Variants in ANO3 observed in about 807,000 individuals in gnomAD.
ANO3 encodes the protein anoctamin 3.
In ANO3, 99 loss-of-function variants were observed where a neutral mutation model predicts 144.8. The observed-to-expected ratio is 0.68, with a 90% CI of 0.58 to 0.81. ANO3 has a LOEUF of 0.81. ANO3 is among the 30% of genes least tolerant of loss of function. ANO3 has a pLI of 0.00. For missense variants in ANO3, 905 were observed against 1,202.2 expected (o/e 0.75, Z 3.66); for synonymous variants, 414 against 392.6 (o/e 1.05, Z -0.64).
chr11:26,489,298 G>A (rs183879382), intron 4 of ANO3, among the ~76,000 whole-genome samples: 197 of 152,314 alleles, frequency 1.3e-3, no homozygotes, highest in Admixed American at 2.0e-3. Context: ...TTGAGCCTGC[G>A]GGAGCACAGA....
chr11:26,296,111 T>C (rs932919622), intron 1 of ANO3, among the ~76,000 whole-genome samples: 1 of 152,222 alleles, frequency 6.6e-6, no homozygotes, highest in Non-Finnish European at 1.5e-5. Flanking sequence ...TTATTCTCAG[T>C]AGTAAATTGG....
At chr11:26,433,075 G>A (rs565898316) in intron 1 of ANO3, among the ~76,000 whole-genome samples, 2 of 151,996 alleles carry the variant, frequency 1.3e-5, no homozygotes, top group East Asian at 3.9e-4. Flanking sequence ...CTCTGATTTT[G>A]AGCAGTGTTT....
At chr11:26,363,884 G>C (rs1002296910) in intron 1 of ANO3, among the ~76,000 whole-genome samples, 3 of 151,652 alleles carry the variant, frequency 2.0e-5, no homozygotes, top group African/African-American at 7.3e-5. Flanking sequence ...AAATAAGAAG[G>C]AACCATAGAC....
intron 1 of ANO3, chr11:26,207,973 G>T (rs1471937222): frequency 3.3e-5 from 5 of 152,140 alleles, no homozygotes; most frequent in Non-Finnish European, 7.4e-5. Context: ...TCACAGTTCT[G>T]GAGGGTGGAA....
intron 4 of ANO3, among the ~76,000 whole-genome samples, chr11:26,482,281 T>C (rs1235143063): frequency 6.6e-6 from 1 of 152,076 alleles, no homozygotes; most frequent in Non-Finnish European, 1.5e-5. Context: ...GTTTGTTACA[T>C]ATGTATACAT....
chr11:26,552,930 G>A (rs969572614), intron 12 of ANO3, among the ~76,000 whole-genome samples: 3 of 147,320 alleles, frequency 2.0e-5, no homozygotes, highest in Non-Finnish European at 3.0e-5. Context: ...TTGGTATACC[G>A]CACAAGATTA....
At chr11:26,628,310 T>C (rs1306321544) in intron 18 of ANO3, among the ~76,000 whole-genome samples, 2 of 152,162 alleles carry the variant, frequency 1.3e-5, no homozygotes, top group Admixed American at 6.5e-5. Context: ...CTTCCTACTA[T>C]ACACACTATT....
At chr11:26,245,017 GTGTGCA>G (rs1852754443) in intron 1 of ANO3, among the ~76,000 whole-genome samples, 2 of 141,634 alleles carry the variant, frequency 1.4e-5, no homozygotes, top group Non-Finnish European at 3.1e-5. Flanking sequence ...GTGTGTGTGT[GTGTGCA>G]TGCATGCATT....
At chr11:26,487,891 A>C (rs574661235) in intron 4 of ANO3, among the ~76,000 whole-genome samples, 1 of 152,256 alleles carries the variant, frequency 6.6e-6, no homozygotes, top group Non-Finnish European at 1.5e-5. Context: ...TTTTAGGCCA[A>C]GTGCAGTAGC....
At chr11:26,522,217 A>AACAAC (rs1565076912) in intron 6 of ANO3, among the ~76,000 whole-genome samples, 2 of 151,068 alleles carry the variant, frequency 1.3e-5, no homozygotes, top group Non-Finnish European at 3.0e-5. Context: ...ACAACAACAA[A>AACAAC]AAAAAAACAT....
intron 1 of ANO3, among the ~76,000 whole-genome samples, chr11:26,441,542 TG>T: frequency 6.6e-6 from 1 of 152,172 alleles, no homozygotes; most frequent in Non-Finnish European, 1.5e-5. Context: ...GTAATTTCAA[TG>T]GTTATATATT....
At chr11:26,396,207 A>G (rs1055278306) in intron 1 of ANO3, among the ~76,000 whole-genome samples, 2 of 152,214 alleles carry the variant, frequency 1.3e-5, no homozygotes, top group African/African-American at 4.8e-5. Context: ...ATCACTGGTC[A>G]TTAGAGAAAT....
intron 24 of ANO3, among the ~76,000 whole-genome samples, chr11:26,654,203 T>G (rs1853616088): frequency 6.6e-6 from 1 of 152,186 alleles, no homozygotes; most frequent in Non-Finnish European, 1.5e-5. Context: ...TTTTTAAAAA[T>G]TTGAGAGAAT....
intron 3 of ANO3, among the ~76,000 whole-genome samples, chr11:26,453,477 CAAAG>C (rs1192008377): frequency 3.9e-5 from 6 of 152,052 alleles, no homozygotes; most frequent in South Asian, 2.1e-4. Flanking sequence ...TCAAAAGAGA[CAAAG>C]AAGGCCATTA....
chr11:26,653,632 C>T (rs1368949567), intron 24 of ANO3, among the ~76,000 whole-genome samples: 2 of 151,880 alleles, frequency 1.3e-5, no homozygotes, highest in African/African-American at 4.8e-5. Flanking sequence ...ATTTCCCTCC[C>T]TCCCTTTGTT....
chr11:26,488,000 T>C (rs1246868501), intron 4 of ANO3, among the ~76,000 whole-genome samples: 1 of 152,068 alleles, frequency 6.6e-6, no homozygotes, highest in African/African-American at 2.4e-5. Flanking sequence ...ACCCCATCTC[T>C]ACTAAAAATA....
At chr11:26,287,695 G>A (rs1853840860) in intron 1 of ANO3, 1 of 152,146 alleles carries the variant, frequency 6.6e-6, no homozygotes, top group Non-Finnish European at 1.5e-5. Context: ...TTAAACCCAG[G>A]AAGATTCAAA....
At chr11:26,507,482 T>C (rs1355380932) in intron 4 of ANO3, among the ~76,000 whole-genome samples, 1 of 152,238 alleles carries the variant, frequency 6.6e-6, no homozygotes, top group Non-Finnish European at 1.5e-5. Flanking sequence ...TGCAGTCATA[T>C]ATTCTAGGAA....
chr11:26,343,131 T>G (rs1294270671), intron 1 of ANO3, among the ~76,000 whole-genome samples: 2 of 152,188 alleles, frequency 1.3e-5, no homozygotes, highest in African/African-American at 4.8e-5. Context: ...TAGCTCCACA[T>G]GCCCCCCAAT....
Sources: gnomAD v4.1 joint callset for allele counts (sites outside exome capture counted in the v4.1 genomes callset) on GRCh38, gnomAD v4.1.1 for gene constraint, MANE v1.5 for transcripts, NCBI Gene and HGNC (gene_info 2026-07-23, HGNC 2026-07-21) for gene names.